Variants in SLX4 observed in about 807,000 individuals in gnomAD.
SLX4 encodes SLX4 structure-specific endonuclease subunit, also known as structure-specific endonuclease subunit SLX4.
Under a neutral mutation model 146.2 loss-of-function variants are expected in SLX4, and 112 were observed. The observed-to-expected ratio is 0.77, with a 90% CI of 0.66 to 0.90. The LOEUF is 0.90. Ranked by LOEUF, SLX4 falls within the 40% of genes least tolerant of loss-of-function variation. The pLI, the probability that SLX4 is intolerant of heterozygous loss-of-function variation, is 0.00. For synonymous variants in SLX4, 1,061 were observed against 997.7 expected, an observed-to-expected ratio of 1.06 and a Z score of -1.20; for missense variants, 2,563 against 2,392.7, an observed-to-expected ratio of 1.07 and a Z score of -1.49.
rs780617305 is a variant in SLX4, at chr16:3,589,884, C to T, written c.3754G>A (p.Asp1252Asn). Reference sequence around the variant, plus strand: ...GTGGCGGGCACCAGCCACGAGGTGTCTGTGGTGCTGGCCTCGCTGGGGCTG... The same window carrying T: ...GTGGCGGGCACCAGCCACGAGGTGTTTGTGGTGCTGGCCTCGCTGGGGCTG... The part of the protein sequence containing the change: ...ESSPSEASTT[D>N]TSWLVPATPL... Residue 1252 changes from aspartate (D) to asparagine (N), a missense_variant, in exon 12 of 15, where the codon GAC (aspartate) becomes AAC (asparagine). By Grantham distance (23) the Asp-to-Asn change is conservative. Transcript: ENST00000294008. The surrounding 1 kb of genome is among the most constrained non-coding windows in gnomAD (Gnocchi z 6.2). The T allele has an allele frequency of 1.6e-5, 26 of 1,613,700 alleles. No homozygotes were observed. The highest frequency in any genetic ancestry group is 2.2e-5 in the Non-Finnish European group (26 of 1,180,012).
intron 2 of SLX4, among the ~76,000 whole-genome samples, chr16:3,607,726 G>A (rs1468044425): frequency 6.6e-6 from 1 of 152,008 alleles, no homozygotes; most frequent in Non-Finnish European, 1.5e-5. Context: ...AATAACAAAG[G>A]AAAAGATTAA....
chr16:3,588,074 CTTT>C (rs749894612), intron 12 of SLX4, among the ~76,000 whole-genome samples: 114 of 152,284 alleles, frequency 7.5e-4, no homozygotes, highest in Non-Finnish European at 7.9e-4. Flanking sequence ...CCACCTGATT[CTTT>C]TTTTAATTGA....
intron 12 of SLX4, among the ~76,000 whole-genome samples, chr16:3,585,701 G>A (rs568991227): frequency 1.3e-5 from 2 of 150,080 alleles, no homozygotes; most frequent in South Asian, 4.2e-4. Context: ...TCAGGGAAAT[G>A]CAAGTCAAAA....
Position 3,582,644 on chromosome 16 carries a change from C to T in SLX4, c.5203G>A (p.Glu1735Lys), listed in dbSNP as rs1392020947. Residue 1735 changes from glutamate to lysine, a missense_variant, in exon 15 of 15, where the codon GAG becomes AAG. Transcript: ENST00000294008. Reference protein sequence around the residue: ...GAAFESAGEEEGEGEVSASQA... With the variant: ...GAAFESAGEEKGEGEVSASQA... ...GAGGCACTGACCTCCCCCTCGCCCT[C>T]CTCTTCACCTGCAGACTCAAATGCC... 6.2e-7 allele frequency: 1 copy of T among 1,613,456 alleles called. No homozygotes were observed. Among genetic ancestry groups the T allele is most frequent in the Non-Finnish European group, 8.5e-7 (1 of 1,180,036 alleles).
In SLX4 at chr16:3,590,459, C is replaced by G. The variant is rs199994766; in HGVS notation, c.3179G>C (p.Arg1060Pro). ...HTSGSSLSTP[R>P]SRGGTSQVGS... is the part of the protein sequence containing the mutation. ...CACCTGGGAAGTTCCGCCACGGGACCGGGGTGTTGACAGGGACGACCCACT... is the reference window on the plus strand; with the variant it reads ...CACCTGGGAAGTTCCGCCACGGGACGGGGGTGTTGACAGGGACGACCCACT... The change falls in exon 12 of 15, where the codon CGG (arginine) becomes CCG (proline). Residue 1060 changes from arginine to proline, a missense_variant. Physicochemically the swap from Arg to Pro is moderately radical, Grantham distance 103. Coordinates refer to ENST00000294008, the MANE Select transcript of SLX4 (RefSeq NM_032444.4). The surrounding 1 kb of genome is among the most constrained non-coding windows in gnomAD (Gnocchi z 4.8). 1.9e-6 allele frequency: 3 copies of G among 1,614,102 alleles called. No homozygotes were observed. Among genetic ancestry groups the G allele is most frequent in the Non-Finnish European group, 2.5e-6 (3 of 1,179,988 alleles).
chr16:3,589,262 T>C lies in SLX4; in HGVS notation c.4376A>G (p.Asn1459Ser). Residue 1459 changes from asparagine to serine, a missense_variant, in exon 12 of 15, where the codon AAC becomes AGC. Asn to Ser is a conservative substitution (Grantham distance 46). Coordinates refer to ENST00000294008, the MANE Select transcript of SLX4 (RefSeq NM_032444.4). This position sits in a 1 kb window ranked among gnomAD's most constrained non-coding sequence, Gnocchi z 6.2. Reference protein sequence around the residue: ...LSTSSPSRRMNEAADSRDCRS... With the variant: ...LSTSSPSRRMSEAADSRDCRS... ...ACAGTCACGGCTGTCGGCGGCCTCG[T>C]TCATCCTGCGGCTGGGGCTGCTGGT... 1 of 1,603,088 alleles carries C rather than the reference T, an allele frequency of 6.2e-7. No homozygotes were observed. Among genetic ancestry groups the C allele is most frequent in the Non-Finnish European group, 8.5e-7 (1 of 1,173,088 alleles).
rs543091261 is a variant in SLX4 at position 3,608,686 on chromosome 16, G to C, written c.279C>G (p.Thr93=). 44 of 1,614,038 alleles carry C rather than the reference G, an allele frequency of 2.7e-5. No individual in the cohort carries two copies. The highest frequency in any genetic ancestry group is 3.6e-5 in the Non-Finnish European group (43 of 1,180,040). Residue 93 remains threonine, a synonymous_variant, in exon 2 of 15, where the codon ACC becomes ACG. Coordinates refer to ENST00000294008, the MANE Select transcript of SLX4 (RefSeq NM_032444.4). The stretch of plus-strand genomic sequence containing the variant: ...TTTTGGTCTTGGTAGCAGTTTGTTT[G>C]GTCCTTTTCAATTTGCTTCTTATCT... ...GTQIRSKLKR[T]KQTATKTKTL... is the part of the protein sequence containing the mutation.
At chr16:3,598,146 C>T in intron 5 of SLX4, 147 bp from the exon 6 acceptor site, 1 of 886,670 alleles carries the variant, frequency 1.1e-6, no homozygotes. Context: ...CTTCCACTGC[C>T]TTGTGTGAAC....
At position 3,582,428 on chromosome 16, in the gene SLX4, T is replaced by A; in HGVS notation, c.5419A>T (p.Thr1807Ser). Residue 1807 changes from threonine (T) to serine (S), a missense_variant, in exon 15 of 15, where the codon ACC becomes TCC. Coordinates refer to ENST00000294008, the MANE Select transcript of SLX4 (RefSeq NM_032444.4). The stretch of plus-strand genomic sequence containing the variant: ...CTGCGGGTGGCGGCAGTGGTGAAGG[T>A]GATACAGTGGGTGTCCAGGAAGTCC... ...LLDFLDTHCI[T>S]FTTAATRREK... The A allele has an allele frequency of 6.2e-7, 1 of 1,613,758 alleles. No individual in the cohort carries two copies. Among genetic ancestry groups the A allele is most frequent in the Non-Finnish European group, 8.5e-7 (1 of 1,180,010 alleles).
intron 5 of SLX4, among the ~76,000 whole-genome samples, chr16:3,598,351 C>T (rs2151132387): frequency 6.6e-6 from 1 of 152,342 alleles, no homozygotes; most frequent in Admixed American, 6.5e-5. Context: ...ACTCCCACCA[C>T]CTTCACCCAT....
At position 3,597,930 on chromosome 16, in the gene SLX4, C is replaced by T. The variant is rs759512394; in HGVS notation, c.1233G>A (p.Arg411=). ...PTSKKEPRKR[R]KVDEAPSEDL... ...CCTCGGACGGTGCCTCGTCCACCTT[C>T]CGCCTCTTCCGTGGCTCCTTCTTGC... The change falls in exon 6 of 15, where the codon CGG becomes CGA. Residue 411 remains arginine, a synonymous_variant. Transcript: ENST00000294008. The surrounding 1 kb of genome is among the most constrained non-coding windows in gnomAD (Gnocchi z 4.4). 1.2e-6 allele frequency: 2 copies of T among 1,614,076 alleles called. No individual in the cohort carries two copies. Among genetic ancestry groups the T allele is most frequent in the Non-Finnish European group, 1.7e-6 (2 of 1,180,054 alleles).
At position 3,609,120 on chromosome 16, in the gene SLX4, T is replaced by A. The variant is rs1019557137; in HGVS notation, c.-156A>T. 1 of 921,750 alleles carries A rather than the reference T, an allele frequency of 1.1e-6. No individual in the cohort carries two copies. The highest frequency in any genetic ancestry group is 1.6e-5 in the African/African-American group (1 of 60,968). 57.1% of individuals were successfully genotyped at this position (921,750 alleles called of 1,614,324 possible). A position where few individuals can be genotyped will look rare whatever the true frequency, so the allele number is the denominator to read the frequency against. On this transcript the variant is annotated 5_prime_UTR_variant, in exon 2 of 15. Transcript: ENST00000294008. ...GCTTCCCTCTGTTAAAGTCCACAAC[T>A]GGGCCGGGCGCGGTGGCTCACACTT...
chr16:3,608,625 C>T lies in SLX4; in HGVS notation c.340G>A (p.Gly114Ser), dbSNP rs764213293. 4 of 1,614,166 alleles carry T rather than the reference C, an allele frequency of 2.5e-6. No individual in the cohort carries two copies. Among genetic ancestry groups the T allele is most frequent in the Non-Finnish European group, 3.4e-6 (4 of 1,180,022 alleles). The change falls in exon 2 of 15, where the codon GGC becomes AGC. Residue 114 changes from glycine (G) to serine (S), a missense_variant. By Grantham distance (56) the Gly-to-Ser change is moderately conservative. Coordinates refer to ENST00000294008, the MANE Select transcript of SLX4 (RefSeq NM_032444.4). Reference protein sequence around the residue: ...QGPAEKKPPSGSQAPRTKKQR... With the variant: ...QGPAEKKPPSSSQAPRTKKQR... ...TTTTTAGTCCTAGGGGCCTGGCTGCCAGACGGAGGTTTCTTCTCTGCAGGG... is the reference window on the plus strand; with the variant it reads ...TTTTTAGTCCTAGGGGCCTGGCTGCTAGACGGAGGTTTCTTCTCTGCAGGG...
chr16:3,582,336 G>A lies in SLX4; in HGVS notation c.*6C>T. On this transcript the variant is annotated 3_prime_UTR_variant, in exon 15 of 15. Coordinates refer to ENST00000294008, the MANE Select transcript of SLX4 (RefSeq NM_032444.4). ...GGCAGGTTGGGGTGGGGTCGGGATG[G>A]CCCCATCAGTTCCGCTCCACCTTCT... The A allele has an allele frequency of 6.2e-7, 1 of 1,608,020 alleles. No individual in the cohort carries two copies. Among genetic ancestry groups the A allele is most frequent in the South Asian group, 1.1e-5 (1 of 90,950 alleles).
rs1244624018 is a variant in SLX4 at position 3,594,535 on chromosome 16, A to G, written c.2078T>C (p.Val693Ala). The G allele has an allele frequency of 6.2e-7, 1 of 1,614,156 alleles. No homozygotes were observed. The highest frequency in any genetic ancestry group is 1.1e-5 in the South Asian group (1 of 91,086). Residue 693 changes from valine to alanine, a missense_variant, in exon 10 of 15, where the codon GTC becomes GCC. Coordinates refer to ENST00000294008, the MANE Select transcript of SLX4 (RefSeq NM_032444.4). ...AMVNNPHLSD[V>A]QFQTDSGEVL... Reference sequence around the variant, plus strand: ...CTCCCCGCTGTCCGTCTGAAACTGGACATCACTCAGGTGTGGGTTATTGAC... The same window carrying G: ...CTCCCCGCTGTCCGTCTGAAACTGGGCATCACTCAGGTGTGGGTTATTGAC...
intron 2 of SLX4, among the ~76,000 whole-genome samples, chr16:3,607,924 A>T (rs1437895529): frequency 1.3e-5 from 2 of 152,192 alleles, no homozygotes; most frequent in Non-Finnish European, 2.9e-5. Flanking sequence ...ACTCATGTCA[A>T]TCATATAACA....
chr16:3,597,359 G>A lies in SLX4; in HGVS notation c.1683+20C>T, dbSNP rs776626195. ...ACCTCCCCCAAAAGCCTATCCATGT[G>A]CCTGAGGGGAGGGACTCACCTGGGC... On this transcript the variant is annotated intron_variant, in intron 7 of 14. Coordinates refer to ENST00000294008, the MANE Select transcript of SLX4 (RefSeq NM_032444.4). The surrounding 1 kb of genome is among the most constrained non-coding windows in gnomAD (Gnocchi z 4.4). 5.9e-6 allele frequency: 9 copies of A among 1,520,554 alleles called. No individual in the cohort carries two copies. Among genetic ancestry groups the A allele is most frequent in the Middle Eastern group, 1.9e-4 (1 of 5,210 alleles). The allele number at this position is 1,520,554 out of a possible 1,614,324, so 94.2% of individuals were successfully genotyped here.
intron 5 of SLX4, among the ~76,000 whole-genome samples, chr16:3,600,350 G>T (rs924860847): frequency 1.3e-5 from 2 of 152,098 alleles, no homozygotes; most frequent in Non-Finnish European, 2.9e-5. Flanking sequence ...CTGGGGGGTT[G>T]GGGACCCCTG....
chr16:3,594,514 C>T lies in SLX4; in HGVS notation c.2099G>A (p.Gly700Glu), dbSNP rs373081094. The T allele has an allele frequency of 3.7e-5, 60 of 1,614,008 alleles. 2 individuals are homozygous for T. In the South Asian group the frequency reaches 6.1e-4, roughly 17 times the overall value. ...GAACTTGTGGGCGTAAAGCACCTCC[C>T]CGCTGTCCGTCTGAAACTGGACATC... The part of the protein sequence containing the change: ...LSDVQFQTDS[G>E]EVLYAHKFVL... Residue 700 changes from glycine (G) to glutamate (E), a missense_variant, in exon 10 of 15, where the codon GGG becomes GAG. Coordinates refer to ENST00000294008, the MANE Select transcript of SLX4 (RefSeq NM_032444.4).
Sources: gnomAD v4.1 joint callset for allele counts (sites outside exome capture counted in the v4.1 genomes callset) on GRCh38, gnomAD v4.1.1 for gene constraint, Gnocchi (gnomAD v3.1) non-coding constraint, MANE v1.5 for transcripts, NCBI Gene and HGNC (gene_info 2026-07-23, HGNC 2026-07-21) for gene names.